The following ADAMTSL1 variants were observed in gnomAD, a reference collection of about 807,000 sequenced individuals.
ADAMTSL1 encodes ADAMTS like 1, also known as ADAMTS-like protein 1.
ADAMTSL1 carries 126 observed loss-of-function variants against 201.8 expected under a neutral mutation model. The ratio of observed to expected loss-of-function variants is 0.62; its 90% confidence interval spans 0.54 to 0.72. The LOEUF (loss-of-function observed/expected upper bound fraction) is 0.72, where lower values mean the gene tolerates loss of function less well. Ranked by LOEUF, ADAMTSL1 falls within the 30% of genes least tolerant of loss-of-function variation. The pLI is 0.00. For missense variants in ADAMTSL1, 2,679 were observed against 2,277.8 expected (o/e 1.18, Z -3.59); for synonymous variants, 1,121 against 903.4 (o/e 1.24, Z -4.32).
At chr9:18,254,472 C>T (rs1183091881) in intron 2 of ADAMTSL1, among the ~76,000 whole-genome samples, 4 of 147,882 alleles carry the variant, frequency 2.7e-5, no homozygotes, top group African/African-American at 9.9e-5. Context: ...ACGCCGTTCT[C>T]CTGCCTCAGC....
At chr9:18,434,885 A>G (rs1819655972) in intron 2 of ADAMTSL1, among the ~76,000 whole-genome samples, 1 of 152,180 alleles carries the variant, frequency 6.6e-6, no homozygotes, top group African/African-American at 2.4e-5. Context: ...TGAATTTTTC[A>G]TGTATGTGAT....
At chr9:18,146,482 A>C (rs564056375) in intron 1 of ADAMTSL1, among the ~76,000 whole-genome samples, 3 of 152,308 alleles carry the variant, frequency 2.0e-5, no homozygotes, top group African/African-American at 7.2e-5. Context: ...GCTACATAGT[A>C]TATGATTCTG....
intron 3 of ADAMTSL1, among the ~76,000 whole-genome samples, chr9:18,547,633 T>C (rs12344654): frequency 1.2e-5 from 1 of 86,268 alleles, no homozygotes; most frequent in Non-Finnish European, 2.1e-5. Flanking sequence ...TATATATATA[T>C]AAAAAAAAAA....
At chr9:18,025,704 CT>C (rs1820665441) in intron 1 of ADAMTSL1, among the ~76,000 whole-genome samples, 1 of 151,954 alleles carries the variant, frequency 6.6e-6, no homozygotes, top group Non-Finnish European at 1.5e-5. Context: ...TAGCTTTGTT[CT>C]TTTTGCTTAG....
At chr9:18,235,008 C>G (rs916283784) in intron 2 of ADAMTSL1, among the ~76,000 whole-genome samples, 1 of 152,170 alleles carries the variant, frequency 6.6e-6, no homozygotes, top group African/African-American at 2.4e-5. Flanking sequence ...TACTGTGGTA[C>G]ATTTGTCACA....
intron 2 of ADAMTSL1, among the ~76,000 whole-genome samples, chr9:18,325,656 G>T (rs2132876670): frequency 6.6e-6 from 1 of 152,226 alleles, no homozygotes; most frequent in Middle Eastern, 3.4e-3. Context: ...TGGTGAGAGA[G>T]TATCCTTGCT....
chr9:18,041,620 C>A (rs893298770), intron 1 of ADAMTSL1, among the ~76,000 whole-genome samples: 2 of 152,106 alleles, frequency 1.3e-5, no homozygotes, highest in African/African-American at 4.8e-5. Flanking sequence ...AAATTAAGAA[C>A]TCTATGGAGC....
chr9:18,774,143 A>G (rs1426393831), intron 17 of ADAMTSL1, among the ~76,000 whole-genome samples: 4 of 152,110 alleles, frequency 2.6e-5, no homozygotes, highest in Non-Finnish European at 4.4e-5. Context: ...AAGCCTGGAG[A>G]TGACAGCCTC....
intron 4 of ADAMTSL1, among the ~76,000 whole-genome samples, chr9:18,580,046 G>A (rs973623015): frequency 1.4e-4 from 21 of 152,118 alleles, no homozygotes; most frequent in African/African-American, 4.8e-4. Context: ...CCTGATATAT[G>A]TCAAAAGAAA....
At position 18,614,047 on chromosome 9, in the gene ADAMTSL1, A is replaced by G. The variant is rs537768175; in HGVS notation, c.475-8196A>G. ...GAGAAAGAGTGTTACAGCCAGAGGT[A>G]GCAACTCAGGGCTGTCCTAAGATGA... On this transcript the variant is annotated intron_variant, in intron 4 of 28. Transcript: ENST00000380548. Among the ~76,000 whole-genome samples, 70 of 152,262 alleles carry G rather than the reference A, an allele frequency of 4.6e-4. No homozygotes were observed. The South Asian group carries it at 0.013, about 28-fold the overall frequency.
intron 2 of ADAMTSL1, among the ~76,000 whole-genome samples, chr9:18,436,759 T>A (rs1167826114): frequency 1.3e-5 from 2 of 152,140 alleles, no homozygotes; most frequent in African/African-American, 4.8e-5. Flanking sequence ...AACCACATCA[T>A]TTTTTCTCAG....
At chr9:17,944,333 G>A (rs1827364791) in intron 1 of ADAMTSL1, among the ~76,000 whole-genome samples, 1 of 152,006 alleles carries the variant, frequency 6.6e-6, no homozygotes, top group African/African-American at 2.4e-5. Flanking sequence ...ACAAATGGAA[G>A]AACATTCCAT....
intron 9 of ADAMTSL1, among the ~76,000 whole-genome samples, chr9:18,667,435 G>T (rs1829517746): frequency 6.6e-6 from 1 of 152,126 alleles, no homozygotes; most frequent in South Asian, 2.1e-4. Flanking sequence ...GTTTAGGAGT[G>T]GGAGCTTTGG....
At chr9:18,895,759 G>A (rs1416622726) in intron 26 of ADAMTSL1, among the ~76,000 whole-genome samples, 1 of 152,202 alleles carries the variant, frequency 6.6e-6, no homozygotes, top group Non-Finnish European at 1.5e-5. Context: ...CCCAATCACA[G>A]AGCCAGTCTA....
chr9:18,842,388 C>T (rs1418442585), intron 23 of ADAMTSL1, among the ~76,000 whole-genome samples: 1 of 152,140 alleles, frequency 6.6e-6, no homozygotes, highest in Non-Finnish European at 1.5e-5. Flanking sequence ...TTTGATTGCA[C>T]TGTGGTCTGA....
intron 4 of ADAMTSL1, 182 bp downstream of exon 4, chr9:18,574,448 A>G: frequency 1.5e-6 from 1 of 662,630 alleles, no homozygotes; most frequent in South Asian, 1.9e-5. Flanking sequence ...GTATTGTGCG[A>G]AGGAAAAGTA....
At chr9:18,218,442 C>G (rs530575065) in intron 2 of ADAMTSL1, among the ~76,000 whole-genome samples, 2 of 152,160 alleles carry the variant, frequency 1.3e-5, no homozygotes, top group Non-Finnish European at 2.9e-5. Flanking sequence ...TGAGCTTAAT[C>G]ATTCCTACAC....
intron 1 of ADAMTSL1, among the ~76,000 whole-genome samples, chr9:17,923,133 T>G (rs1335873717): frequency 6.6e-6 from 1 of 152,114 alleles, no homozygotes. Context: ...GGCTCTTTTT[T>G]GGTTCCATAT....
chr9:17,965,144 A>G (rs1249259241), intron 1 of ADAMTSL1, among the ~76,000 whole-genome samples: 1 of 152,084 alleles, frequency 6.6e-6, no homozygotes. Flanking sequence ...GTAAAACTTA[A>G]TTTTCTGCAG....
Sources: allele counts gnomAD v4.1 joint callset (sites outside exome capture counted in the v4.1 genomes callset), GRCh38; gene constraint gnomAD v4.1.1; transcripts MANE v1.5; gene names NCBI Gene and HGNC (gene_info 2026-07-23, HGNC 2026-07-21).